PDE11A: variants seen among roughly 807,000 people sequenced by gnomAD.
PDE11A encodes the protein phosphodiesterase 11A.
In PDE11A, 100 loss-of-function variants were observed where a neutral mutation model predicts 100.5. The observed-to-expected ratio is 1.00, with a 90% CI of 0.85 to 1.18. The LOEUF (loss-of-function observed/expected upper bound fraction) is 1.18, where lower values mean the gene tolerates loss of function less well. Ranked by LOEUF, PDE11A falls within the 50% of genes most tolerant of loss-of-function variation. The pLI is 0.00. For synonymous variants in PDE11A, 381 were observed against 420.8 expected (o/e 0.91, Z 1.16); for missense variants, 1,141 against 1,152.6 (o/e 0.99, Z 0.15).
At chr2:177,795,943 A>ATATATATATATATATATG (rs1321977954) in intron 9 of PDE11A, among the ~76,000 whole-genome samples, 1 of 68,320 alleles carries the variant, frequency 1.5e-5, no homozygotes, top group Non-Finnish European at 2.6e-5. Context: ...AACTATATAT[A>ATATATATATATATATATG]TATATATATA....
At chr2:177,929,846 T>A (rs78283805) in intron 2 of PDE11A, among the ~76,000 whole-genome samples, 1 of 152,200 alleles carries the variant, frequency 6.6e-6, no homozygotes, top group Non-Finnish European at 1.5e-5. Context: ...AAGACAGCAA[T>A]AGGATCTGTA....
At chr2:177,784,633 G>A (rs1354440015) in intron 9 of PDE11A, among the ~76,000 whole-genome samples, 2 of 152,112 alleles carry the variant, frequency 1.3e-5, no homozygotes, top group Admixed American at 1.3e-4. Flanking sequence ...TTTACTGCTG[G>A]CTTTCACTTT....
intron 6 of PDE11A, among the ~76,000 whole-genome samples, chr2:177,825,735 T>C (rs1574183134): frequency 1.3e-5 from 2 of 152,288 alleles, no homozygotes; most frequent in Admixed American, 6.5e-5. Context: ...AATCAGTCAA[T>C]GGAGCTCAAA....
chr2:177,828,935 G>C (rs1574186491), intron 6 of PDE11A, among the ~76,000 whole-genome samples: 3 of 152,138 alleles, frequency 2.0e-5, no homozygotes, highest in Admixed American at 2.0e-4. Context: ...GTATAGAGGG[G>C]CAAAGTGGAA....
chr2:177,939,727 G>C (rs2085324309), intron 2 of PDE11A, among the ~76,000 whole-genome samples: 1 of 152,210 alleles, frequency 6.6e-6, no homozygotes, highest in African/African-American at 2.4e-5. Context: ...TTCTTGGATT[G>C]AGGGACTGTC....
chr2:177,793,981 G>C (rs937167971), intron 9 of PDE11A, among the ~76,000 whole-genome samples: 1 of 152,160 alleles, frequency 6.6e-6, no homozygotes, highest in African/African-American at 2.4e-5. Flanking sequence ...CTATGTTTTA[G>C]GAACTATTGT....
At chr2:177,719,243 G>T (rs2081489461) in intron 12 of PDE11A, among the ~76,000 whole-genome samples, 3 of 152,198 alleles carry the variant, frequency 2.0e-5, no homozygotes, top group Admixed American at 6.5e-5. Flanking sequence ...AGTATTGAAT[G>T]ATAAGGGATT....
At chr2:177,994,314 G>A (rs887359640) in intron 2 of PDE11A, among the ~76,000 whole-genome samples, 1 of 152,058 alleles carries the variant, frequency 6.6e-6, no homozygotes, top group Non-Finnish European at 1.5e-5. Flanking sequence ...CTGTATACAT[G>A]GCATGTATGC....
intron 9 of PDE11A, among the ~76,000 whole-genome samples, chr2:177,811,682 C>T (rs1369668520): frequency 6.6e-6 from 1 of 151,808 alleles, no homozygotes; most frequent in Non-Finnish European, 1.5e-5. Flanking sequence ...GAAGCTTTGT[C>T]CTTGGAGATG....
chr2:177,997,791 ATTTTCTGCTTCTTC>A, intron 2 of PDE11A: 1 of 1,312,424 alleles, frequency 7.6e-7, no homozygotes, highest in Non-Finnish European at 1.1e-6. Context: ...CATTCCCTCC[ATTTTCTGCTTCTTC>A]TGGAGGGAGG....
intron 10 of PDE11A, among the ~76,000 whole-genome samples, chr2:177,734,446 C>T (rs763396923): frequency 1.3e-5 from 2 of 152,138 alleles, no homozygotes; most frequent in African/African-American, 4.8e-5. Context: ...ACACTATGAT[C>T]GCGCCTGTGA....
chr2:178,048,158 G>A (rs1006905431), intron 1 of PDE11A, among the ~76,000 whole-genome samples: 1 of 152,190 alleles, frequency 6.6e-6, no homozygotes, highest in Non-Finnish European at 1.5e-5. Flanking sequence ...TGTGGTAGTA[G>A]AGTTGCAGAA....
chr2:177,997,717 T>C lies in PDE11A; in HGVS notation c.1071+16585A>G, dbSNP rs556672492. ...GAAATCTGGAAGTTTTTGGCCCAAC[T>C]GGTGAAAACTGTACAACAAACATTC... On this transcript the variant is annotated intron_variant, in intron 2 of 19. Coordinates refer to ENST00000286063, the MANE Select transcript of PDE11A (RefSeq NM_016953.4). The C allele has an allele frequency of 1.9e-6, 3 of 1,540,078 alleles. No homozygotes were observed. The East Asian group carries it at 6.7e-5, about 35-fold the overall frequency.
chr2:177,721,474 G>A (rs948525782), intron 12 of PDE11A, among the ~76,000 whole-genome samples: 3 of 152,110 alleles, frequency 2.0e-5, no homozygotes, highest in Non-Finnish European at 4.4e-5. Context: ...AATAAGACTT[G>A]AGAAAGTGGA....
At chr2:177,739,775 C>T (rs1322075858) in intron 10 of PDE11A, among the ~76,000 whole-genome samples, 1 of 152,164 alleles carries the variant, frequency 6.6e-6, no homozygotes, top group Non-Finnish European at 1.5e-5. Flanking sequence ...AATTTATATA[C>T]TTTTACTTGT....
intron 12 of PDE11A, among the ~76,000 whole-genome samples, chr2:177,725,219 A>G (rs1030279878): frequency 6.6e-6 from 1 of 152,116 alleles, no homozygotes; most frequent in Non-Finnish European, 1.5e-5. Context: ...ACACTGATTG[A>G]GTCGTCTTTG....
At chr2:178,054,927 G>C (rs928473728) in intron 1 of PDE11A, among the ~76,000 whole-genome samples, 2 of 152,182 alleles carry the variant, frequency 1.3e-5, no homozygotes, top group Non-Finnish European at 2.9e-5. Flanking sequence ...AACCATTGTG[G>C]AAGACAGTGT....
chr2:177,873,518 C>T (rs1289999401), intron 5 of PDE11A, among the ~76,000 whole-genome samples: 1 of 152,110 alleles, frequency 6.6e-6, no homozygotes, highest in Non-Finnish European at 1.5e-5. Context: ...TTTCCCATTT[C>T]AATTTCCATT....
chr2:177,726,254 C>T (rs1442505136), intron 12 of PDE11A, among the ~76,000 whole-genome samples: 1 of 152,036 alleles, frequency 6.6e-6, no homozygotes, highest in Non-Finnish European at 1.5e-5. Flanking sequence ...GTTGAGGACC[C>T]AAAGCACAAG....
Sources: gnomAD v4.1 joint callset for allele counts (sites outside exome capture counted in the v4.1 genomes callset) on GRCh38, gnomAD v4.1.1 for gene constraint, MANE v1.5 for transcripts, NCBI Gene and HGNC (gene_info 2026-07-23, HGNC 2026-07-21) for gene names.